The following XPNPEP3 variants were observed in gnomAD, a reference collection of about 807,000 sequenced individuals.
The protein encoded by XPNPEP3 is X-prolyl aminopeptidase 3, also known as xaa-Pro aminopeptidase 3.
In XPNPEP3, 41 loss-of-function variants were observed where a neutral mutation model predicts 60.0. The observed-to-expected ratio is 0.68, with a 90% CI of 0.53 to 0.89. XPNPEP3 has a LOEUF of 0.89. Among genes scored for constraint, XPNPEP3 ranks in the 40% least tolerant of loss-of-function variants. The probability of loss-of-function intolerance (pLI) is 0.00; values close to 1 mark genes in which losing one functional copy is unlikely to be tolerated. For synonymous variants in XPNPEP3, 212 were observed against 223.2 expected, an observed-to-expected ratio of 0.95 and a Z score of 0.45; for missense variants, 598 against 638.9, an observed-to-expected ratio of 0.94 and a Z score of 0.69.
intron 2 of XPNPEP3, among the ~76,000 whole-genome samples, chr22:40,877,226 T>C (rs2058031088): frequency 6.6e-6 from 1 of 152,234 alleles, no homozygotes; most frequent in Non-Finnish European, 1.5e-5. Flanking sequence ...AGGCCTGTTT[T>C]ACATTATAAA....
At chr22:40,892,499 A>G (rs538796050) in intron 4 of XPNPEP3, among the ~76,000 whole-genome samples, 8 of 152,048 alleles carry the variant, frequency 5.3e-5, no homozygotes, top group Non-Finnish European at 7.4e-5. Flanking sequence ...AATCTATTTC[A>G]TCAGTATGTC....
chr22:40,870,203 G>A (rs2057998380), intron 2 of XPNPEP3: 1 of 319,410 alleles, frequency 3.1e-6, no homozygotes, highest in Non-Finnish European at 6.5e-6. Flanking sequence ...CAACCTACCT[G>A]TAGACTCGAG....
At chr22:40,865,630 G>A (rs925295433) in intron 1 of XPNPEP3, among the ~76,000 whole-genome samples, 20 of 134,380 alleles carry the variant, frequency 1.5e-4, no homozygotes, top group African/African-American at 5.7e-4. Flanking sequence ...GCCTGGCATA[G>A]TCCTCCCCAC....
rs755471540 is a variant in XPNPEP3 at position 40,907,579 on chromosome 22, C to T, written c.793-8C>T. The T allele has an allele frequency of 1.2e-6, 2 of 1,613,360 alleles. No homozygotes were observed. The highest frequency in any genetic ancestry group is 1.3e-5 in the African/African-American group (1 of 74,930). On this transcript the variant is annotated splice_polypyrimidine_tract_variant and splice_region_variant and intron_variant, in intron 4 of 9. Coordinates refer to ENST00000357137, the MANE Select transcript of XPNPEP3 (RefSeq NM_022098.4). ...TCGTGTTCTTTTCATCCTCCTTTCT[C>T]TTTGCAGGCTTTCATAGAAACCATG...
At chr22:40,911,778 G>T (rs1302431746) in intron 6 of XPNPEP3, among the ~76,000 whole-genome samples, 1 of 152,158 alleles carries the variant, frequency 6.6e-6, no homozygotes, top group Non-Finnish European at 1.5e-5. Flanking sequence ...GGCCTCAAGT[G>T]ATCTGCCCGC....
intron 1 of XPNPEP3, chr22:40,862,091 G>A (rs2057953631): frequency 2.0e-6 from 3 of 1,512,820 alleles, no homozygotes; most frequent in East Asian, 2.3e-5. Context: ...GGTAGTGACT[G>A]CAAATAGGTA....
chr22:40,903,530 G>T (rs148563605), intron 4 of XPNPEP3, among the ~76,000 whole-genome samples: 2 of 149,778 alleles, frequency 1.3e-5, no homozygotes, highest in African/African-American at 4.9e-5. Context: ...TTACTCTGTC[G>T]CCCAGGCTGG....
intron 2 of XPNPEP3, among the ~76,000 whole-genome samples, chr22:40,881,290 C>T (rs1413323108): frequency 2.0e-5 from 3 of 151,892 alleles, no homozygotes; most frequent in Non-Finnish European, 4.4e-5. Flanking sequence ...CTCAGGTGAT[C>T]TGCCTGCCTT....
chr22:40,924,302 C>A, intron 8 of XPNPEP3, 60 bp from the exon 9 acceptor site: 1 of 1,609,822 alleles, frequency 6.2e-7, no homozygotes, highest in Non-Finnish European at 8.5e-7. Context: ...TTTATACTTG[C>A]CCAGCATTCC....
chr22:40,862,443 A>G (rs1192597652), intron 1 of XPNPEP3: 11 of 987,208 alleles, frequency 1.1e-5, no homozygotes, highest in Non-Finnish European at 9.6e-6. Flanking sequence ...TTTGGTTTAG[A>G]AAAATGAAGT....
At chr22:40,893,852 G>A (rs1407101263) in intron 4 of XPNPEP3, among the ~76,000 whole-genome samples, 1 of 152,150 alleles carries the variant, frequency 6.6e-6, no homozygotes, top group Non-Finnish European at 1.5e-5. Flanking sequence ...CCAACCTCAG[G>A]TGATCTGCCC....
intron 4 of XPNPEP3, among the ~76,000 whole-genome samples, chr22:40,891,994 A>G (rs2058090268): frequency 6.6e-6 from 1 of 152,160 alleles, no homozygotes; most frequent in African/African-American, 2.4e-5. Flanking sequence ...TCTGTAATGC[A>G]GCTTGTGTTA....
chr22:40,916,351 C>G (rs1010624936), intron 7 of XPNPEP3, among the ~76,000 whole-genome samples: 8 of 151,390 alleles, frequency 5.3e-5, no homozygotes, highest in South Asian at 4.2e-4. Flanking sequence ...CAGAAAGACT[C>G]TAAAGTAGCT....
intron 4 of XPNPEP3, among the ~76,000 whole-genome samples, chr22:40,899,683 G>A (rs1024953529): frequency 6.6e-6 from 1 of 152,020 alleles, no homozygotes; most frequent in African/African-American, 2.4e-5. Context: ...GCTGGATGTG[G>A]TGGTGGGCGC....
At chr22:40,877,987 A>T (rs1182597216) in intron 2 of XPNPEP3, among the ~76,000 whole-genome samples, 1 of 152,042 alleles carries the variant, frequency 6.6e-6, no homozygotes, top group Non-Finnish European at 1.5e-5. Context: ...CCGGTGGATC[A>T]CCTGAGGTCA....
chr22:40,861,673 A>C, intron 1 of XPNPEP3: 1 of 1,614,188 alleles, frequency 6.2e-7, no homozygotes, highest in Non-Finnish European at 8.5e-7. Flanking sequence ...AAGTGAAAAG[A>C]AAATGGATCC....
Position 40,926,903 on chromosome 22 carries a change from G to A in XPNPEP3, c.*468G>A, listed in dbSNP as rs1171112431. The A allele has an allele frequency of 2.1e-5, 5 of 237,256 alleles. No individual in the cohort carries two copies. The highest frequency in any genetic ancestry group is 5.0e-5 in the South Asian group (1 of 20,056). 14.7% of individuals were successfully genotyped at this position (237,256 alleles called of 1,614,324 possible). A position where few individuals can be genotyped will look rare whatever the true frequency, so the allele number is the denominator to read the frequency against. On this transcript the variant is annotated 3_prime_UTR_variant, in exon 10 of 10. Transcript: ENST00000357137. Reference sequence around the variant, plus strand: ...CTGCCTATGCAAAAATTCATCTTTCGGTGATTGTGGGCGGCCAATACATAC... The same window carrying A: ...CTGCCTATGCAAAAATTCATCTTTCAGTGATTGTGGGCGGCCAATACATAC...
rs1328445372 is a variant in XPNPEP3, at chr22:40,930,001, A to G, written c.*3566A>G. 1.3e-5 allele frequency: 2 copies of G among 152,078 alleles called. No homozygotes were observed. Among genetic ancestry groups the G allele is most frequent in the African/African-American group, 4.8e-5 (2 of 41,420 alleles). The allele number at this position is 152,078 out of a possible 1,614,324, so 9.4% of individuals were successfully genotyped here. A position where few individuals can be genotyped will look rare whatever the true frequency, so the allele number is the denominator to read the frequency against. On this transcript the variant is annotated 3_prime_UTR_variant, in exon 10 of 10. Transcript: ENST00000357137. ...TAAAGCTGGGACTTGAAGACTTACC[A>G]TAGTTTTCAACTGCCTTTGCAAGTT...
At chr22:40,898,903 A>G (rs553652302) in intron 4 of XPNPEP3, among the ~76,000 whole-genome samples, 99 of 152,292 alleles carry the variant, frequency 6.5e-4, no homozygotes, top group African/African-American at 2.3e-3. Flanking sequence ...GGCACTGACT[A>G]TGTGATGAGG....
Sources: gnomAD v4.1 joint callset for allele counts (sites outside exome capture counted in the v4.1 genomes callset) on GRCh38, gnomAD v4.1.1 for gene constraint, MANE v1.5 for transcripts, NCBI Gene and HGNC (gene_info 2026-07-23, HGNC 2026-07-21) for gene names.